LYAR: variants seen among roughly 807,000 people sequenced by gnomAD.
LYAR encodes the protein Ly1 antibody reactive.
Under a neutral mutation model 45.2 loss-of-function variants are expected in LYAR, and 37 were observed. That is an observed-to-expected ratio of 0.82 (90% CI 0.63 to 1.08). The LOEUF (loss-of-function observed/expected upper bound fraction) is 1.08, where lower values mean the gene tolerates loss of function less well. Ranked by LOEUF, LYAR falls within the 50% of genes least tolerant of loss-of-function variation. LYAR has a pLI of 0.00. For synonymous variants in LYAR, 176 were observed against 155.1 expected (o/e 1.14, Z -1.00); for missense variants, 493 against 451.0 (o/e 1.09, Z -0.84).
chr4:4,282,821 G>A (rs957116502), intron 3 of LYAR, among the ~76,000 whole-genome samples: 2 of 152,218 alleles, frequency 1.3e-5, no homozygotes, highest in East Asian at 3.9e-4. Flanking sequence ...GCCAGGAAGA[G>A]CCTCACTTCC....
At chr4:4,275,439 CT>C (rs11457102) in intron 6 of LYAR, among the ~76,000 whole-genome samples, 20 of 143,940 alleles carry the variant, frequency 1.4e-4, no homozygotes, top group Admixed American at 2.1e-4. Flanking sequence ...TCTCATCATT[CT>C]TTTTTTTTTT....
chr4:4,274,264 A>G, intron 7 of LYAR, 103 bp downstream of exon 7: 1 of 1,279,406 alleles, frequency 7.8e-7, no homozygotes, highest in Non-Finnish European at 1.1e-6. Context: ...AAAAAACCAC[A>G]CACACACGCA....
chr4:4,277,518 T>C (rs146858517), intron 6 of LYAR, among the ~76,000 whole-genome samples: 1 of 152,222 alleles, frequency 6.6e-6, no homozygotes, highest in Admixed American at 6.5e-5. Flanking sequence ...AATAAATAGG[T>C]GAACCAATTC....
intron 2 of LYAR, among the ~76,000 whole-genome samples, chr4:4,286,060 T>C (rs1239724963): frequency 6.6e-6 from 1 of 152,224 alleles, no homozygotes; most frequent in Non-Finnish European, 1.5e-5. Context: ...TCTTTACTTG[T>C]TTAAGGCCAA....
intron 8 of LYAR, among the ~76,000 whole-genome samples, chr4:4,270,424 T>A (rs576132679): frequency 2.7e-5 from 4 of 148,942 alleles, no homozygotes; most frequent in Admixed American, 2.7e-4. Flanking sequence ...CTAAAAAGAC[T>A]CTGTTATGAT....
Position 4,274,580 on chromosome 4 carries a change from T to G in LYAR, c.619A>C (p.Lys207Gln), listed in dbSNP as rs1339093540. The change falls in exon 7 of 10, where the codon AAG (lysine) becomes CAG (glutamine). Residue 207 changes from lysine to glutamine, a missense_variant. Lys to Gln is a moderately conservative substitution (Grantham distance 53, BLOSUM62 1). Coordinates refer to ENST00000343470, the MANE Select transcript of LYAR (RefSeq NM_017816.3). ...KKRKREKKEL[K>Q]LENHQENSRN... is the part of the protein sequence containing the mutation. ...GAGTTTTCCTGGTGGTTTTCTAACT[T>G]TAGTTCTTTCTTTTCTCTTTTCCTT... is the stretch of plus-strand genomic sequence containing the variant. 7 of 1,613,494 alleles carry G rather than the reference T, an allele frequency of 4.3e-6. No homozygotes were observed. The East Asian group carries it at 1.6e-4, about 36-fold the overall frequency.
At chr4:4,268,801 G>A in intron 8 of LYAR, 186 bp from the exon 9 acceptor site, 1 of 530,584 alleles carries the variant, frequency 1.9e-6, no homozygotes, top group Non-Finnish European at 3.3e-6. Context: ...CCCTTCAAAG[G>A]ACTGGCTCTT....
chr4:4,274,719 A>T lies in LYAR; in HGVS notation c.480T>A (p.Asn160Lys). The change falls in exon 7 of 10, where the codon AAT (asparagine) becomes AAA (lysine). Residue 160 changes from asparagine to lysine, a missense_variant. By Grantham distance (94) the Asn-to-Lys change is moderately conservative. Coordinates refer to ENST00000343470, the MANE Select transcript of LYAR (RefSeq NM_017816.3). ...CCTTGGTGGAGATTTCTGCATGTGG[A>T]TTTGCCACTGGGTGGAGTGGCCGTT... The part of the protein sequence containing the change: ...QDQRPLHPVA[N>K]PHAEISTKVP... 1 of 1,612,868 alleles carries T rather than the reference A, an allele frequency of 6.2e-7. No individual in the cohort carries two copies. Among genetic ancestry groups the T allele is most frequent in the Non-Finnish European group, 8.5e-7 (1 of 1,179,808 alleles).
intron 1 of LYAR, among the ~76,000 whole-genome samples, chr4:4,287,280 G>A (rs1306063315): frequency 6.6e-6 from 1 of 152,188 alleles, no homozygotes; most frequent in African/African-American, 2.4e-5. Flanking sequence ...TTCTTGGACT[G>A]GTTGAGAGCA....
chr4:4,274,893 GT>G, intron 6 of LYAR, 124 bp from the exon 7 acceptor site: 1 of 883,844 alleles, frequency 1.1e-6, no homozygotes, highest in Non-Finnish European at 1.7e-6. Flanking sequence ...ATCCCTTATC[GT>G]TTTATAACTG....
At chr4:4,270,899 C>T (rs1259335194) in intron 8 of LYAR, among the ~76,000 whole-genome samples, 1 of 152,136 alleles carries the variant, frequency 6.6e-6, no homozygotes, top group East Asian at 1.9e-4. Flanking sequence ...TTTGTGGGTA[C>T]ACAGCAGGTG....
At chr4:4,272,602 AT>A (rs1718979952) in intron 8 of LYAR, among the ~76,000 whole-genome samples, 1 of 152,196 alleles carries the variant, frequency 6.6e-6, no homozygotes, top group Non-Finnish European at 1.5e-5. Context: ...TTATTGTCCT[AT>A]CCTCACCCTT....
chr4:4,285,893 T>C (rs1719590334), intron 2 of LYAR, among the ~76,000 whole-genome samples: 1 of 152,240 alleles, frequency 6.6e-6, no homozygotes, highest in Non-Finnish European at 1.5e-5. Flanking sequence ...AAAGCAGTGA[T>C]GTTGACAAAA....
Position 4,274,192 on chromosome 4 carries a change from G to C in LYAR, c.832+175C>G, listed in dbSNP as rs536409653. Among the ~76,000 whole-genome samples, 17 of 151,898 alleles carry C rather than the reference G, an allele frequency of 1.1e-4. No individual in the cohort carries two copies. In the South Asian group the frequency reaches 3.5e-3, roughly 32 times the overall value. ...GTGGAGGTTGCAGTGAGCTGAGATC[G>C]TGCCACTGCACTCCAGCCTGGGCAA... On this transcript the variant is annotated intron_variant, in intron 7 of 9. Coordinates refer to ENST00000343470, the MANE Select transcript of LYAR (RefSeq NM_017816.3).
At chr4:4,283,298 C>A (rs1719476053) in intron 3 of LYAR, among the ~76,000 whole-genome samples, 1 of 152,064 alleles carries the variant, frequency 6.6e-6, no homozygotes, top group South Asian at 2.1e-4. Context: ...TTACAGGCGC[C>A]CACCACCACG....
At chr4:4,287,479 G>C (rs1719662651) in intron 1 of LYAR, among the ~76,000 whole-genome samples, 1 of 152,182 alleles carries the variant, frequency 6.6e-6, no homozygotes, top group Non-Finnish European at 1.5e-5. Context: ...CCATGAAAAA[G>C]ATGACGGGGT....
At chr4:4,279,190 G>A (rs1247049156) in intron 6 of LYAR, among the ~76,000 whole-genome samples, 1 of 151,944 alleles carries the variant, frequency 6.6e-6, no homozygotes, top group Admixed American at 6.6e-5. Context: ...AAAATTAGCT[G>A]GGCATGATGG....
rs199677703 is a variant in LYAR, at chr4:4,283,686, T to G, written c.57A>C (p.Glu19Asp). 6.2e-7 allele frequency: 1 copy of G among 1,612,972 alleles called. No homozygotes were observed. Among genetic ancestry groups the G allele is most frequent in the Admixed American group, 1.7e-5 (1 of 60,014 alleles). The change falls in exon 3 of 10, where the codon GAA becomes GAC. Residue 19 changes from glutamate to aspartate, a missense_variant. Transcript: ENST00000343470. Reference protein sequence around the residue: ...CGESVKKIQVEKHVSVCRNCE... With the variant: ...CGESVKKIQVDKHVSVCRNCE... ...AGTTTCTGCAAACAGACACATGCTTTTCCACTTGTATTTTCTTCACTGATT... is the reference window on the plus strand; with the variant it reads ...AGTTTCTGCAAACAGACACATGCTTGTCCACTTGTATTTTCTTCACTGATT...
intron 3 of LYAR, among the ~76,000 whole-genome samples, chr4:4,283,108 TTTTC>T (rs1719468361): frequency 6.6e-6 from 1 of 152,196 alleles, no homozygotes; most frequent in Admixed American, 6.5e-5. Context: ...TCCCCTAGTC[TTTTC>T]TTTAACATAT....
Sources: gnomAD v4.1 joint callset for allele counts (sites outside exome capture counted in the v4.1 genomes callset) on GRCh38, gnomAD v4.1.1 for gene constraint, MANE v1.5 for transcripts, NCBI Gene and HGNC (gene_info 2026-07-23, HGNC 2026-07-21) for gene names.